The following PHF20L1 variants were observed in gnomAD, a reference collection of about 807,000 sequenced individuals.
PHF20L1 encodes PHD finger protein 20-like protein 1.
Under a neutral mutation model 125.5 loss-of-function variants are expected in PHF20L1, and 44 were observed. The ratio of observed to expected loss-of-function variants is 0.35; its 90% confidence interval spans 0.28 to 0.45. The LOEUF (loss-of-function observed/expected upper bound fraction) is 0.45, where lower values mean the gene tolerates loss of function less well. Among genes scored for constraint, PHF20L1 ranks in the 20% least tolerant of loss-of-function variants. The pLI, the probability that PHF20L1 is intolerant of heterozygous loss-of-function variation, is 1.00. For synonymous variants in PHF20L1, 380 were observed against 403.1 expected (o/e 0.94, Z 0.69); for missense variants, 1,012 against 1,217.2 (o/e 0.83, Z 2.51).
At chr8:132,778,456 G>A (rs1830067203) in intron 2 of PHF20L1, among the ~76,000 whole-genome samples, 1 of 152,148 alleles carries the variant, frequency 6.6e-6, no homozygotes, top group African/African-American at 2.4e-5. Flanking sequence ...TTAACCTAAA[G>A]GCAGGTTGTT....
intron 8 of PHF20L1, chr8:132,806,800 T>TTAGTA (rs1424135143): frequency 6.6e-6 from 1 of 152,026 alleles, no homozygotes; most frequent in Non-Finnish European, 1.5e-5. Flanking sequence ...TTTTTGTCCT[T>TTAGTA]TTACTACTGA....
Position 132,847,907 on chromosome 8 carries a change from C to G in PHF20L1, c.*1984C>G. On this transcript the variant is annotated 3_prime_UTR_variant, in exon 21 of 21. Transcript: ENST00000395386. ...TAATGTCTATATTTTATGATTGATA[C>G]TATTATTTTTCCTTTGCATTTTAAA... The G allele has an allele frequency of 6.6e-6, 1 of 152,254 alleles. No individual in the cohort carries two copies. Among genetic ancestry groups the G allele is most frequent in the Non-Finnish European group, 1.5e-5 (1 of 67,958 alleles). The allele number at this position is 152,254 out of a possible 1,614,324, so 9.4% of individuals were successfully genotyped here.
intron 8 of PHF20L1, chr8:132,808,778 A>G (rs1159398351): frequency 6.6e-6 from 1 of 150,422 alleles, no homozygotes; most frequent in Admixed American, 6.6e-5. Context: ...TTGATGTGGT[A>G]TGAGACTGTA....
chr8:132,843,522 A>G, intron 19 of PHF20L1: 6 of 984,856 alleles, frequency 6.1e-6, no homozygotes, highest in Non-Finnish European at 7.2e-6. Context: ...TGTATTTCGT[A>G]TCATAAAGTT....
intron 2 of PHF20L1, among the ~76,000 whole-genome samples, chr8:132,782,511 A>C (rs1830539394): frequency 6.6e-6 from 1 of 152,200 alleles, no homozygotes; most frequent in Non-Finnish European, 1.5e-5. Context: ...AGGTAGCTTT[A>C]GTTGACAGGA....
In PHF20L1 at chr8:132,846,051, A is replaced by G. The variant is rs760790702; in HGVS notation, c.*128A>G. 1.2e-4 allele frequency: 84 copies of G among 675,500 alleles called. 1 individual carries two copies. Among genetic ancestry groups the G allele is most frequent in the South Asian group, 1.0e-3 (44 of 42,494 alleles). The allele number at this position is 675,500 out of a possible 1,614,324, so 41.8% of individuals were successfully genotyped here. A position where few individuals can be genotyped will look rare whatever the true frequency, so the allele number is the denominator to read the frequency against. ...GGTCATTCACTGATTTGTGATGTCA[A>G]TAGGATGGCACCTTGGAAAGAAAAA... On this transcript the variant is annotated 3_prime_UTR_variant, in exon 21 of 21. Transcript: ENST00000395386.
intron 7 of PHF20L1, 142 bp downstream of exon 7, chr8:132,804,174 T>C: frequency 1.6e-6 from 1 of 619,690 alleles, no homozygotes; most frequent in Non-Finnish European, 2.8e-6. Context: ...TGGCTAACTT[T>C]TTTAGCATCT....
chr8:132,819,170 A>G (rs1419575686), intron 12 of PHF20L1, among the ~76,000 whole-genome samples: 3 of 151,926 alleles, frequency 2.0e-5, no homozygotes, highest in Non-Finnish European at 4.4e-5. Flanking sequence ...CCCTTTTTAA[A>G]TATTAGCAGT....
At chr8:132,795,082 A>G (rs978187113) in intron 4 of PHF20L1, among the ~76,000 whole-genome samples, 1 of 152,182 alleles carries the variant, frequency 6.6e-6, no homozygotes, top group African/African-American at 2.4e-5. Flanking sequence ...CTTATATCAT[A>G]TACATTTTAT....
intron 2 of PHF20L1, among the ~76,000 whole-genome samples, chr8:132,787,085 T>G (rs759339158): frequency 3.3e-5 from 5 of 151,944 alleles, no homozygotes; most frequent in Non-Finnish European, 5.9e-5. Context: ...AAACTTTGAG[T>G]CAAATACTGA....
Position 132,820,462 on chromosome 8 carries a change from G to A in PHF20L1, c.1579+2917G>A, listed in dbSNP as rs73345684. 5.0e-3 allele frequency among the ~76,000 whole-genome samples: 763 copies of A among 151,946 alleles called. 4 individuals are homozygous for A. Among genetic ancestry groups the A allele is most frequent in the African/African-American group, 0.017 (721 of 41,496 alleles). ...TTCTGGAAACTTAGAGTCTAGAAGGGACACAAAGCTAATAACTGAAATACA... is the reference window on the plus strand; with the variant it reads ...TTCTGGAAACTTAGAGTCTAGAAGGAACACAAAGCTAATAACTGAAATACA... On this transcript the variant is annotated intron_variant, in intron 12 of 20. Coordinates refer to ENST00000395386, the MANE Select transcript of PHF20L1 (RefSeq NM_016018.5).
At position 132,842,957 on chromosome 8, in the gene PHF20L1, T is replaced by A. The variant is rs1587102565; in HGVS notation, c.2748+82T>A. The A allele has an allele frequency of 6.8e-6, 10 of 1,476,250 alleles. No homozygotes were observed. The South Asian group carries it at 1.5e-4, about 22-fold the overall frequency. 91.4% of individuals were successfully genotyped at this position (1,476,250 alleles called of 1,614,324 possible). On this transcript the variant is annotated intron_variant, in intron 19 of 20. Transcript: ENST00000395386. ...TTTTATAAAATAAGGCATACTGAAT[T>A]CCCAGATTTTAGTTGTATTTCCAAG... is the stretch of plus-strand genomic sequence containing the variant.
chr8:132,779,239 A>G (rs995936947), intron 2 of PHF20L1, among the ~76,000 whole-genome samples: 3 of 152,192 alleles, frequency 2.0e-5, no homozygotes, highest in African/African-American at 7.2e-5. Context: ...GTACCTGGGA[A>G]CTAGGCAGTA....
intron 1 of PHF20L1, among the ~76,000 whole-genome samples, chr8:132,777,310 T>A (rs1448459993): frequency 5.3e-5 from 8 of 152,228 alleles, no homozygotes; most frequent in Admixed American, 3.3e-4. Flanking sequence ...TTGTGTGCTG[T>A]AGGGCCTTAT....
At chr8:132,825,393 T>C in intron 14 of PHF20L1, 22 bp downstream of exon 14, 1 of 1,457,386 alleles carries the variant, frequency 6.9e-7, no homozygotes, top group Non-Finnish European at 9.1e-7. Context: ...GAGATGATTA[T>C]TCCCTCTTTT....
chr8:132,818,867 G>A (rs1835269329), intron 12 of PHF20L1: 1 of 151,452 alleles, frequency 6.6e-6, no homozygotes, highest in Non-Finnish European at 1.5e-5. Flanking sequence ...ATATACATTG[G>A]GAAAATTATT....
At chr8:132,824,846 A>C in intron 13 of PHF20L1, 1 of 247,882 alleles carries the variant, frequency 4.0e-6, no homozygotes, top group Non-Finnish European at 7.8e-6. Context: ...AGCTTATCCA[A>C]AGCAAAAAGT....
At chr8:132,820,757 C>CA (rs1420530421) in intron 12 of PHF20L1, among the ~76,000 whole-genome samples, 1 of 151,418 alleles carries the variant, frequency 6.6e-6, no homozygotes, top group Non-Finnish European at 1.5e-5. Context: ...ATGTTTATTC[C>CA]AAAAAAAGAT....
rs1286072498 is a variant in PHF20L1, at chr8:132,846,299, T to A, written c.*376T>A. 6.4e-6 allele frequency: 1 copy of A among 156,456 alleles called. No homozygotes were observed. Among genetic ancestry groups the A allele is most frequent in the Non-Finnish European group, 1.4e-5 (1 of 70,664 alleles). The allele number at this position is 156,456 out of a possible 1,614,324, so 9.7% of individuals were successfully genotyped here. ...TAGTTTTTAATAGAAAGATCTATGT[T>A]TATAAACCAGCACTTGGCCAAAAAC... On this transcript the variant is annotated 3_prime_UTR_variant, in exon 21 of 21. Transcript: ENST00000395386.
Sources: allele counts gnomAD v4.1 joint callset (sites outside exome capture counted in the v4.1 genomes callset), GRCh38; gene constraint gnomAD v4.1.1; transcripts MANE v1.5; gene names NCBI Gene and HGNC (gene_info 2026-07-23, HGNC 2026-07-21).